The following CCNT1 variants were observed in gnomAD, a reference collection of about 807,000 sequenced individuals.
CCNT1 encodes the protein cyclin T1, also known as cyclin-T1.
A neutral mutation model predicts 67.3 loss-of-function variants in CCNT1; 18 were observed. The ratio of observed to expected loss-of-function variants is 0.27; its 90% CI spans 0.18 to 0.40. The LOEUF (loss-of-function observed/expected upper bound fraction) is 0.40. CCNT1 is among the 10% of genes least tolerant of loss of function. The probability of loss-of-function intolerance (pLI) is 1.00; values close to 1 mark genes in which losing one functional copy is unlikely to be tolerated. For synonymous variants in CCNT1, 333 were observed against 310.3 expected, an observed-to-expected ratio of 1.07 and a Z score of -0.77; for missense variants, 744 against 884.9, an observed-to-expected ratio of 0.84 and a Z score of 2.02.
chr12:48,695,660 C>A (rs769108753), intron 8 of CCNT1, 99 bp downstream of exon 8: 1 of 756,316 alleles, frequency 1.3e-6, no homozygotes, highest in Admixed American at 2.4e-5. Context: ...ATAAAAAGGG[C>A]AATTCCAAAC....
At position 48,697,537 on chromosome 12, in the gene CCNT1, ATAT is replaced by A. The variant is rs1565616680; in HGVS notation, c.542+598_542+600del. On this transcript the variant is annotated intron_variant, in intron 6 of 8. Coordinates refer to ENST00000261900, the MANE Select transcript of CCNT1 (RefSeq NM_001240.4). ...GACTCTGTCTTAAAAAAAAAAAAAT[ATAT>A]ATATATATATATATATATGCCTGTA... Among the ~76,000 whole-genome samples the A allele has an allele frequency of 1.0e-3, 103 of 103,418 alleles. 1 individual carries two copies. Among genetic ancestry groups the A allele is most frequent in the East Asian group, 3.9e-3 (15 of 3,896 alleles). The allele number at this position is 103,418 out of a possible 152,430, so 67.8% of individuals were successfully genotyped here. A position where few individuals can be genotyped will look rare whatever the true frequency, so the allele number is the denominator to read the frequency against.
In CCNT1 at chr12:48,705,725, A is replaced by C. The variant is rs544276427; in HGVS notation, c.372+43T>G. 465 of 1,551,046 alleles carry C rather than the reference A, an allele frequency of 3.0e-4. 7 individuals are homozygous for C. The South Asian group carries it at 4.7e-3, about 16-fold the overall frequency. On this transcript the variant is annotated intron_variant, in intron 3 of 8. Transcript: ENST00000261900. Reference sequence around the variant, plus strand: ...CTTGGGAGTAGGGAAAAAAAAAGAAAGGAAAAAAATTAAGAAAAACAGATG... The same window carrying C: ...CTTGGGAGTAGGGAAAAAAAAAGAACGGAAAAAAATTAAGAAAAACAGATG...
chr12:48,700,879 A>G (rs1592121102), intron 4 of CCNT1, 134 bp downstream of exon 4: 1 of 555,498 alleles, frequency 1.8e-6, no homozygotes, highest in African/African-American at 1.9e-5. Context: ...CAGGTCTACA[A>G]CCTCTATCAT....
intron 7 of CCNT1, 73 bp downstream of exon 7, chr12:48,695,926 C>G: frequency 6.4e-7 from 1 of 1,564,476 alleles, no homozygotes; most frequent in Non-Finnish European, 8.8e-7. Context: ...TCATCTGAAT[C>G]AAGTCACCTT....
rs1422956733 is a variant in CCNT1, at chr12:48,693,981, T to C, written c.1233A>G (p.Glu411=). ...ATGCATATTGTGACTTCACATTGGCTTCCATGTTCTCCAGTTGCCTCTTCT... is the reference window on the plus strand; with the variant it reads ...ATGCATATTGTGACTTCACATTGGCCTCCATGTTCTCCAGTTGCCTCTTCT... ...AAQKRQLENM[E]ANVKSQYAYA... is the part of the protein sequence containing the mutation. The change falls in exon 9 of 9, where the codon GAA becomes GAG. Residue 411 remains glutamate (E), a synonymous_variant. Transcript: ENST00000261900. The C allele has an allele frequency of 6.2e-7, 1 of 1,614,240 alleles. No individual in the cohort carries two copies. Among genetic ancestry groups the C allele is most frequent in the South Asian group, 1.1e-5 (1 of 91,086 alleles).
rs772022667 is a variant in CCNT1 at position 48,694,200 on chromosome 12, T to C, written c.1014A>G (p.Gln338=). 3.7e-6 allele frequency: 6 copies of C among 1,614,158 alleles called. No homozygotes were observed. In the East Asian group the frequency reaches 1.3e-4, roughly 36 times the overall value. The change falls in exon 9 of 9, where the codon CAA becomes CAG. Residue 338 remains glutamine (Q), a synonymous_variant. Transcript: ENST00000261900. The part of the protein sequence containing the change: ...MLPGKRWLSS[Q]PSFKLEPTQG... ...GAGTAGGTTCTAGTTTGAAAGAAGGTTGGGAGGACAGCCAACGCTTGCCCG... is the reference window on the plus strand; with the variant it reads ...GAGTAGGTTCTAGTTTGAAAGAAGGCTGGGAGGACAGCCAACGCTTGCCCG...
At chr12:48,713,408 G>A (rs1940486849) in intron 2 of CCNT1, among the ~76,000 whole-genome samples, 1 of 152,076 alleles carries the variant, frequency 6.6e-6, no homozygotes, top group African/African-American at 2.4e-5. Context: ...TCCAACTGCT[G>A]ACTGGAATTT....
At chr12:48,702,054 G>A (rs370069231) in intron 3 of CCNT1, among the ~76,000 whole-genome samples, 5 of 151,814 alleles carry the variant, frequency 3.3e-5, no homozygotes, top group Admixed American at 6.6e-5. Context: ...CCACCACCAC[G>A]CCCGGCTAGT....
chr12:48,714,361 G>A, intron 2 of CCNT1, 82 bp downstream of exon 2: 2 of 835,286 alleles, frequency 2.4e-6, no homozygotes, highest in East Asian at 2.7e-5. Flanking sequence ...TTACAGTTCA[G>A]TAGCAAAGAC....
chr12:48,698,301 A>C, intron 5 of CCNT1, 118 bp from the exon 6 acceptor site: 1 of 648,740 alleles, frequency 1.5e-6, no homozygotes, highest in Non-Finnish European at 2.6e-6. Context: ...ATATAGTGGC[A>C]AATGAGACAC....
chr12:48,700,331 A>AAG (rs1261936725), intron 4 of CCNT1, among the ~76,000 whole-genome samples: 2 of 150,586 alleles, frequency 1.3e-5, no homozygotes, highest in Non-Finnish European at 3.0e-5. Context: ...AAAAAAAAAA[A>AAG]AAAGAAAAAG....
At chr12:48,706,920 T>C (rs957175047) in intron 2 of CCNT1, among the ~76,000 whole-genome samples, 1 of 152,192 alleles carries the variant, frequency 6.6e-6, no homozygotes, top group Non-Finnish European at 1.5e-5. Flanking sequence ...CAAAATTTTT[T>C]TAGGCCAGAC....
chr12:48,698,956 CA>C (rs34991080), intron 5 of CCNT1, among the ~76,000 whole-genome samples: 2,570 of 100,730 alleles, frequency 0.026, 54 homozygotes, highest in African/African-American at 0.079. Flanking sequence ...AACTCCGTCT[CA>C]AAAAAAAAAA....
chr12:48,694,522 C>A, intron 8 of CCNT1, 86 bp from the exon 9 acceptor site: 1 of 1,234,770 alleles, frequency 8.1e-7, no homozygotes. Flanking sequence ...CTTGCAGCAA[C>A]ACTGGAAGTT....
chr12:48,702,043 CCCA>C (rs1940279304), intron 3 of CCNT1, among the ~76,000 whole-genome samples: 1 of 151,938 alleles, frequency 6.6e-6, no homozygotes, highest in Non-Finnish European at 1.5e-5. Flanking sequence ...ATTACAGGAG[CCCA>C]CCACCACGCC....
chr12:48,697,845 AAAAAAAAAAAATAT>A lies in CCNT1; in HGVS notation c.542+279_542+292del, dbSNP rs1322271334. 336 of 88,352 alleles carry A rather than the reference AAAAAAAAAAAATAT, an allele frequency of 3.8e-3. 2 individuals carry two copies. Among genetic ancestry groups the A allele is most frequent in the Admixed American group, 6.7e-3 (50 of 7,444 alleles). 5.5% of individuals were successfully genotyped at this position (88,352 alleles called of 1,614,324 possible). On this transcript the variant is annotated intron_variant, in intron 6 of 8. Transcript: ENST00000261900. ...AAAAATAATAATAATAATTTAAAAAAAAAAAAAAAAATATATATATATATATATATATACACATA... is the reference window on the plus strand; with the variant it reads ...AAAAATAATAATAATAATTTAAAAAAATATATATATATATATATACACATA...
rs920593610 is a variant in CCNT1, at chr12:48,691,557, A to C, written c.*1476T>G. On this transcript the variant is annotated 3_prime_UTR_variant, in exon 9 of 9. Transcript: ENST00000261900. ...CCAAGATTTTCTGAAAGATTTATTA[A>C]AAATGTTCACTCCTAATATCTGGGA... 5 of 152,224 alleles carry C rather than the reference A, an allele frequency of 3.3e-5. No homozygotes were observed. In the East Asian group the frequency reaches 7.7e-4, roughly 23 times the overall value. 9.4% of individuals were successfully genotyped at this position (152,224 alleles called of 1,614,324 possible).
intron 2 of CCNT1, among the ~76,000 whole-genome samples, chr12:48,712,417 A>C (rs1940465801): frequency 6.6e-6 from 1 of 150,638 alleles, no homozygotes; most frequent in South Asian, 2.1e-4. Context: ...CTGGGATTAC[A>C]GGCATGAAAC....
rs767735381 is a variant in CCNT1 at position 48,693,316 on chromosome 12, C to T, written c.1898G>A (p.Arg633His). Residue 633 changes from arginine to histidine, a missense_variant, in exon 9 of 9, where the codon CGT becomes CAT. By Grantham distance (29) the Arg-to-His change is conservative. This residue lies in a region of CCNT1 where 564 missense variants were observed against 574.2 expected (regional missense o/e 0.98). Transcript: ENST00000261900. The part of the protein sequence containing the change: ...LSFSQPSCKT[R>H]VPHSKLDKGP... ...TTTATCCAGTTTCGAATGAGGGACACGAGTTTTACAGCTGGGCTGTGAAAA... is the reference window on the plus strand; with the variant it reads ...TTTATCCAGTTTCGAATGAGGGACATGAGTTTTACAGCTGGGCTGTGAAAA... The T allele has an allele frequency of 5.5e-5, 89 of 1,614,030 alleles. No homozygotes were observed. The highest frequency in any genetic ancestry group is 2.3e-4 in the South Asian group (21 of 91,090).
Sources: gnomAD v4.1 joint callset for allele counts (sites outside exome capture counted in the v4.1 genomes callset) on GRCh38, gnomAD v4.1.1 for gene constraint, gnomAD v4.1.1 regional missense constraint, MANE v1.5 for transcripts, NCBI Gene and HGNC (gene_info 2026-07-23, HGNC 2026-07-21) for gene names.